ADK: variants seen among roughly 807,000 people sequenced by gnomAD.
ADK encodes adenosine kinase.
In ADK, 24 loss-of-function variants were observed where a neutral mutation model predicts 44.7. That is an observed-to-expected ratio of 0.54 (90% CI 0.39 to 0.76). The LOEUF (loss-of-function observed/expected upper bound fraction) is 0.76. ADK is among the 30% of genes least tolerant of loss of function. ADK has a pLI of 0.00. For missense variants in ADK, 321 were observed against 425.1 expected (o/e 0.76, Z 2.15); for synonymous variants, 128 against 142.6 (o/e 0.90, Z 0.73).
intron 3 of ADK, among the ~76,000 whole-genome samples, chr10:74,300,322 C>G (rs1407570928): frequency 9.0e-6 from 1 of 110,838 alleles, no homozygotes; most frequent in African/African-American, 3.5e-5. Context: ...TTCCTTCCTT[C>G]CTTCCTTCCT....
At chr10:74,545,743 T>A (rs1220608098) in intron 7 of ADK, among the ~76,000 whole-genome samples, 1 of 152,204 alleles carries the variant, frequency 6.6e-6, no homozygotes, top group Non-Finnish European at 1.5e-5. Context: ...TGAGCTGTAA[T>A]GAACAATTCA....
At chr10:74,331,729 A>G (rs1592058055) in intron 4 of ADK, among the ~76,000 whole-genome samples, 1 of 152,194 alleles carries the variant, frequency 6.6e-6, no homozygotes, top group Non-Finnish European at 1.5e-5. Flanking sequence ...CAGGTGATCC[A>G]CCTGCCTTGG....
intron 10 of ADK, among the ~76,000 whole-genome samples, chr10:74,692,621 C>T (rs1170618885): frequency 6.6e-6 from 1 of 152,146 alleles, no homozygotes; most frequent in Non-Finnish European, 1.5e-5. Context: ...AGTCATGCAC[C>T]ACATAACATT....
chr10:74,638,590 A>C (rs1176593058), intron 9 of ADK, among the ~76,000 whole-genome samples: 5 of 152,210 alleles, frequency 3.3e-5, no homozygotes. Context: ...GAGGAGCTCG[A>C]GGTTACAGTG....
intron 10 of ADK, among the ~76,000 whole-genome samples, chr10:74,708,003 T>C (rs1367383689): frequency 5.9e-5 from 9 of 151,464 alleles, no homozygotes; most frequent in African/African-American, 1.9e-4. Flanking sequence ...CTACAAGAAT[T>C]AGCTAGGCAT....
At chr10:74,246,728 A>T (rs770895848) in intron 3 of ADK, among the ~76,000 whole-genome samples, 4 of 151,946 alleles carry the variant, frequency 2.6e-5, no homozygotes, top group Non-Finnish European at 5.9e-5. Flanking sequence ...AGCATGGGTG[A>T]CTCCATTTTG....
At chr10:74,407,114 G>C (rs1054120000) in intron 6 of ADK, among the ~76,000 whole-genome samples, 1 of 151,652 alleles carries the variant, frequency 6.6e-6, no homozygotes, top group Non-Finnish European at 1.5e-5. Flanking sequence ...GCACCACCAT[G>C]CCTGGCTAGT....
chr10:74,378,583 A>G lies in ADK; in HGVS notation c.274-15558A>G, dbSNP rs983761465. Among the ~76,000 whole-genome samples, 7 of 152,336 alleles carry G rather than the reference A, an allele frequency of 4.6e-5. No homozygotes were observed. In the East Asian group the frequency reaches 7.7e-4, roughly 17 times the overall value. The stretch of plus-strand genomic sequence containing the variant: ...GATCTTTTAAGATACAGTTTATCCA[A>G]TACTTATGATGCCAGGTTCCAGAAT... On this transcript the variant is annotated intron_variant, in intron 4 of 10. Coordinates refer to ENST00000539909, the MANE Select transcript of ADK (RefSeq NM_006721.4).
At chr10:74,340,701 G>A (rs1297912419) in intron 4 of ADK, among the ~76,000 whole-genome samples, 2 of 152,052 alleles carry the variant, frequency 1.3e-5, no homozygotes, top group Admixed American at 1.3e-4. Flanking sequence ...AACCAGTGGA[G>A]GAAAACTGAG....
chr10:74,354,287 A>G (rs371018037), intron 4 of ADK, among the ~76,000 whole-genome samples: 1 of 152,218 alleles, frequency 6.6e-6, no homozygotes, highest in South Asian at 2.1e-4. Context: ...AATCACCTGC[A>G]CAGCCTCATT....
At chr10:74,329,545 C>G (rs1169064904) in intron 4 of ADK, among the ~76,000 whole-genome samples, 1 of 152,162 alleles carries the variant, frequency 6.6e-6, no homozygotes, top group Non-Finnish European at 1.5e-5. Flanking sequence ...AAAATCTCTA[C>G]ATAAAAATTA....
intron 4 of ADK, among the ~76,000 whole-genome samples, chr10:74,376,642 C>T (rs140862463): frequency 1.4e-3 from 212 of 152,196 alleles, no homozygotes; most frequent in Non-Finnish European, 2.5e-3. Context: ...ATTTAATATC[C>T]AATTTAGATT....
chr10:74,502,237 A>AT (rs796476574), intron 6 of ADK, among the ~76,000 whole-genome samples: 3 of 151,808 alleles, frequency 2.0e-5, no homozygotes, highest in East Asian at 1.9e-4. Context: ...ATCAATTGCT[A>AT]TTTTTTTTAA....
intron 3 of ADK, among the ~76,000 whole-genome samples, chr10:74,275,417 A>G (rs1846636409): frequency 6.6e-6 from 1 of 152,116 alleles, no homozygotes; most frequent in African/African-American, 2.4e-5. Context: ...AGAGACCAAA[A>G]TAGATGCCCC....
chr10:74,685,074 C>T (rs1403542484), intron 10 of ADK, among the ~76,000 whole-genome samples: 1 of 152,044 alleles, frequency 6.6e-6, no homozygotes, highest in Admixed American at 6.6e-5. Context: ...GTGAACACTA[C>T]CTGACCTCTT....
chr10:74,397,951 G>C (rs1017364738), intron 5 of ADK, among the ~76,000 whole-genome samples: 9 of 152,162 alleles, frequency 5.9e-5, no homozygotes, highest in African/African-American at 1.2e-4. Flanking sequence ...TCAGCCCTTA[G>C]AATGTAATGG....
At chr10:74,443,145 A>C (rs1845480838) in intron 6 of ADK, among the ~76,000 whole-genome samples, 1 of 152,292 alleles carries the variant, frequency 6.6e-6, no homozygotes, top group Admixed American at 6.5e-5. Context: ...AAATTTGTTA[A>C]GAAAGTAGCT....
At chr10:74,569,278 T>G (rs183640585) in intron 7 of ADK, among the ~76,000 whole-genome samples, 1 of 152,226 alleles carries the variant, frequency 6.6e-6, no homozygotes, top group African/African-American at 2.4e-5. Flanking sequence ...TTATAATCCC[T>G]TGGGTATATA....
At chr10:74,555,161 C>A (rs1034852901) in intron 7 of ADK, among the ~76,000 whole-genome samples, 1 of 152,144 alleles carries the variant, frequency 6.6e-6, no homozygotes, top group African/African-American at 2.4e-5. Flanking sequence ...CCCTGCATGG[C>A]CCATGCCTGT....
Sources: allele counts gnomAD v4.1 joint callset (sites outside exome capture counted in the v4.1 genomes callset), GRCh38; gene constraint gnomAD v4.1.1; transcripts MANE v1.5; gene names NCBI Gene and HGNC (gene_info 2026-07-23, HGNC 2026-07-21).